The following KCNIP4 variants were observed in gnomAD, a reference collection of about 807,000 sequenced individuals.
KCNIP4 encodes Kv channel-interacting protein 4.
Under a neutral mutation model 34.0 loss-of-function variants are expected in KCNIP4, and 12 were observed. That is an observed-to-expected ratio of 0.35 (90% confidence interval 0.23 to 0.57). The LOEUF is 0.57. KCNIP4 is among the 20% of genes least tolerant of loss of function. KCNIP4 has a pLI of 0.83. For missense variants in KCNIP4, 238 were observed against 311.7 expected (o/e 0.76, Z 1.78); for synonymous variants, 124 against 102.2 (o/e 1.21, Z -1.29).
intron 1 of KCNIP4, among the ~76,000 whole-genome samples, chr4:21,940,883 C>G (rs956173977): frequency 6.6e-6 from 1 of 152,012 alleles, no homozygotes; most frequent in African/African-American, 2.4e-5. Flanking sequence ...CCTGTGGACA[C>G]AAGAAGACTG....
intron 1 of KCNIP4, among the ~76,000 whole-genome samples, chr4:21,790,431 A>T (rs1212182355): frequency 6.6e-6 from 1 of 152,116 alleles, no homozygotes; most frequent in Non-Finnish European, 1.5e-5. Context: ...TTTCACATAC[A>T]CCAGAATAGG....
intron 1 of KCNIP4, among the ~76,000 whole-genome samples, chr4:21,306,863 C>T (rs1285737544): frequency 6.6e-6 from 1 of 151,758 alleles, no homozygotes; most frequent in Admixed American, 6.6e-5. Flanking sequence ...TCTTGTTGCC[C>T]ACATTGGAGT....
intron 1 of KCNIP4, among the ~76,000 whole-genome samples, chr4:21,715,585 T>C (rs1714311071): frequency 6.6e-6 from 1 of 152,208 alleles, no homozygotes; most frequent in African/African-American, 2.4e-5. Flanking sequence ...GATACAACAT[T>C]AGATGTCTCT....
At chr4:21,004,197 G>A (rs139938062) in intron 1 of KCNIP4, among the ~76,000 whole-genome samples, 40 of 152,234 alleles carry the variant, frequency 2.6e-4, no homozygotes, top group Middle Eastern at 3.4e-3. Flanking sequence ...AATATTCCAG[G>A]CAGCAAATGG....
At chr4:21,943,894 A>C (rs973064960) in intron 1 of KCNIP4, among the ~76,000 whole-genome samples, 4 of 152,148 alleles carry the variant, frequency 2.6e-5, no homozygotes, top group East Asian at 3.9e-4. Flanking sequence ...ATACAGAAAG[A>C]ACCAACAAGT....
intron 1 of KCNIP4, among the ~76,000 whole-genome samples, chr4:20,890,304 G>A (rs1725793140): frequency 6.6e-6 from 1 of 152,074 alleles, no homozygotes; most frequent in Non-Finnish European, 1.5e-5. Context: ...TATGAAGGAG[G>A]GATGGGGCCT....
chr4:21,073,700 T>C (rs1045619489), intron 1 of KCNIP4, among the ~76,000 whole-genome samples: 1 of 152,212 alleles, frequency 6.6e-6, no homozygotes, highest in Non-Finnish European at 1.5e-5. Context: ...GGAGAGGGCG[T>C]CCCTGTCTTG....
chr4:20,902,605 C>T (rs1443819354), intron 1 of KCNIP4, among the ~76,000 whole-genome samples: 2 of 152,116 alleles, frequency 1.3e-5, no homozygotes, highest in African/African-American at 2.4e-5. Context: ...CTGCAACCAC[C>T]ACCTCCCGGG....
chr4:21,213,871 A>G (rs1757391695), intron 1 of KCNIP4, among the ~76,000 whole-genome samples: 2 of 152,124 alleles, frequency 1.3e-5, no homozygotes, highest in African/African-American at 4.8e-5. Context: ...CCCTAGATTC[A>G]TGCCTCAAAA....
chr4:21,767,013 G>A (rs973996905), intron 1 of KCNIP4, among the ~76,000 whole-genome samples: 2 of 152,130 alleles, frequency 1.3e-5, no homozygotes, highest in African/African-American at 2.4e-5. Flanking sequence ...GTCAGGTAGT[G>A]ATCATGGCAA....
rs187614066 is a variant in KCNIP4 at position 20,915,435 on chromosome 4, G to T, written c.62-32726C>A. Among the ~76,000 whole-genome samples the T allele has an allele frequency of 5.9e-5, 9 of 152,164 alleles. No individual in the cohort carries two copies. In the East Asian group the frequency reaches 7.7e-4, roughly 13 times the overall value. On this transcript the variant is annotated intron_variant, in intron 1 of 8. Transcript: ENST00000382152. ...TCAGACTCAGCAAAAGTAACTAAAA[G>T]ATAATTTTTTGGATATGTGTAGCTT...
At chr4:21,869,079 T>C (rs182602396) in intron 1 of KCNIP4, among the ~76,000 whole-genome samples, 74 of 152,266 alleles carry the variant, frequency 4.9e-4, no homozygotes, top group African/African-American at 1.7e-3. Context: ...GGTCATGGGT[T>C]TCTTTAATAT....
At chr4:20,896,995 T>C (rs377097563) in intron 1 of KCNIP4, among the ~76,000 whole-genome samples, 1 of 151,974 alleles carries the variant, frequency 6.6e-6, no homozygotes, top group African/African-American at 2.4e-5. Context: ...CACCACACAC[T>C]ACCATGGAGT....
At chr4:21,384,201 T>C (rs1163216090) in intron 1 of KCNIP4, among the ~76,000 whole-genome samples, 1 of 152,202 alleles carries the variant, frequency 6.6e-6, no homozygotes, top group Admixed American at 6.5e-5. Context: ...TGGAATTATG[T>C]ATTGTATCAC....
At chr4:21,576,514 C>T (rs1208621758) in intron 1 of KCNIP4, among the ~76,000 whole-genome samples, 3 of 152,112 alleles carry the variant, frequency 2.0e-5, no homozygotes, top group Admixed American at 2.0e-4. Flanking sequence ...CGCTTGCATA[C>T]TGACTAAAAA....
intron 1 of KCNIP4, among the ~76,000 whole-genome samples, chr4:21,137,140 T>G (rs537314988): frequency 7.2e-5 from 11 of 152,282 alleles, no homozygotes; most frequent in African/African-American, 2.6e-4. Flanking sequence ...TGGTAAAAGA[T>G]CAATTCTCAT....
chr4:21,631,705 T>G (rs745509332), intron 1 of KCNIP4, among the ~76,000 whole-genome samples: 1 of 152,204 alleles, frequency 6.6e-6, no homozygotes, highest in Non-Finnish European at 1.5e-5. Context: ...GTGCCCATAT[T>G]CTGGACCAAT....
intron 1 of KCNIP4, among the ~76,000 whole-genome samples, chr4:21,769,279 G>A (rs966610728): frequency 1.4e-4 from 21 of 151,908 alleles, no homozygotes; most frequent in East Asian, 7.7e-4. Context: ...TCTATTAACC[G>A]TTTCTATTTT....
intron 1 of KCNIP4, among the ~76,000 whole-genome samples, chr4:20,899,404 G>A (rs1011214550): frequency 6.6e-6 from 1 of 152,164 alleles, no homozygotes; most frequent in Non-Finnish European, 1.5e-5. Flanking sequence ...ATTAGAAACT[G>A]AGCCAGGAAA....
Sources: allele counts gnomAD v4.1 joint callset (sites outside exome capture counted in the v4.1 genomes callset), GRCh38; gene constraint gnomAD v4.1.1; transcripts MANE v1.5; gene names NCBI Gene and HGNC (gene_info 2026-07-23, HGNC 2026-07-21).